PATZ1: variants seen among roughly 807,000 people sequenced by gnomAD.
PATZ1 encodes POZ/BTB and AT hook containing zinc finger 1.
In PATZ1, 9 loss-of-function variants were observed where a neutral mutation model predicts 46.2. The ratio of observed to expected loss-of-function variants is 0.19; its 90% CI spans 0.12 to 0.34. The LOEUF is 0.34. Ranked by LOEUF, PATZ1 falls within the 10% of genes least tolerant of loss-of-function variation. The probability of loss-of-function intolerance (pLI) is 1.00; values close to 1 mark genes in which losing one functional copy is unlikely to be tolerated. For missense variants in PATZ1, 632 were observed against 923.0 expected (o/e 0.68, Z 4.08); for synonymous variants, 426 against 378.6 (o/e 1.13, Z -1.45).
chr22:31,327,059 G>A lies in PATZ1; in HGVS notation c.1896C>T (p.Leu632=), dbSNP rs551643471. The A allele has an allele frequency of 2.9e-4, 476 of 1,614,226 alleles. 11 individuals are homozygous for A. In the South Asian group the frequency reaches 4.5e-3, roughly 15 times the overall value. The change falls in exon 5 of 5, where the codon CTC becomes CTT. Residue 632 remains leucine (L), a synonymous_variant. Transcript: ENST00000266269. This position sits in a 1 kb window ranked among gnomAD's most constrained non-coding sequence, Gnocchi z 4.2. ...GGCCCAGGTCCCCCAGGGGGCCCCC[G>A]AGAGCCCGGACATGCACCTTCTGGA... ...KHIQKVHVRA[L]GGPLGDLGPA...
chr22:31,343,271 G>T (rs182661878), intron 1 of PATZ1: 43 of 1,109,170 alleles, frequency 3.9e-5, no homozygotes, highest in Middle Eastern at 8.1e-4. Flanking sequence ...GCAGTAGAAT[G>T]AAACAGAGCT....
intron 2 of PATZ1, chr22:31,341,132 G>A (rs1239914150): frequency 8.5e-7 from 1 of 1,170,738 alleles, no homozygotes; most frequent in Non-Finnish European, 1.1e-6. Context: ...AATCACCTAG[G>A]CAAGGACAGA....
At position 31,341,655 on chromosome 22, in the gene PATZ1, G is replaced by A. The variant is rs765835799; in HGVS notation, c.1335+1242C>T. 1.9e-5 allele frequency: 30 copies of A among 1,612,988 alleles called. No homozygotes were observed. In the East Asian group the frequency reaches 2.9e-4, roughly 16 times the overall value. On this transcript the variant is annotated intron_variant, in intron 2 of 4. Transcript: ENST00000266269. ...GTCGCTAGGAAGAGGTTCCAGGGGC[G>A]GCAGGCCGCTGCTGCTCCCAACCCA...
chr22:31,337,469 T>C (rs2049525846), intron 2 of PATZ1, among the ~76,000 whole-genome samples: 1 of 152,186 alleles, frequency 6.6e-6, no homozygotes, highest in Middle Eastern at 3.2e-3. Flanking sequence ...GTACCAGTGA[T>C]CAGTCTCCTC....
intron 2 of PATZ1, among the ~76,000 whole-genome samples, chr22:31,341,951 C>T (rs1272219175): frequency 6.6e-6 from 1 of 152,306 alleles, no homozygotes; most frequent in South Asian, 2.1e-4. Flanking sequence ...GGGGCTCTGC[C>T]CTACTTACGG....
chr22:31,343,292 A>G (rs2049606393), intron 1 of PATZ1: 5 of 1,064,402 alleles, frequency 4.7e-6, no homozygotes, highest in Non-Finnish European at 5.7e-6. Context: ...GCCTCACTGC[A>G]GCCTTTCCAG....
chr22:31,331,059 G>C (rs1280419904), intron 3 of PATZ1, among the ~76,000 whole-genome samples: 1 of 152,228 alleles, frequency 6.6e-6, no homozygotes, highest in Non-Finnish European at 1.5e-5. Context: ...CTGCCTGGTA[G>C]AGCAAGTTGT....
intron 3 of PATZ1, among the ~76,000 whole-genome samples, chr22:31,333,378 G>C (rs1221503043): frequency 1.3e-5 from 2 of 152,072 alleles, no homozygotes; most frequent in Admixed American, 6.6e-5. Flanking sequence ...GTAGGTACAG[G>C]CTTGGTGGCA....
At chr22:31,334,593 T>C (rs1447836591) in intron 3 of PATZ1, among the ~76,000 whole-genome samples, 1 of 152,184 alleles carries the variant, frequency 6.6e-6, no homozygotes, top group Non-Finnish European at 1.5e-5. Flanking sequence ...TGTTACAAAG[T>C]GCAAGGATAG....
At position 31,345,544 on chromosome 22, in the gene PATZ1, C is replaced by T. The variant is rs759499623; in HGVS notation, c.59G>A (p.Ser20Asn). The T allele has an allele frequency of 2.7e-5, 44 of 1,612,838 alleles. No individual in the cohort carries two copies. In the Admixed American group the frequency reaches 6.7e-4, roughly 24 times the overall value. ...GTGCAGCATCTCCGTGCTGTGTCTG[C>T]TCACCTGGTATGTGTAGCAGCCAGA... Reference protein sequence around the residue: ...GPSGCYTYQVSRHSTEMLHNL... With the variant: ...GPSGCYTYQVNRHSTEMLHNL... Residue 20 changes from serine (S) to asparagine (N), a missense_variant, in exon 1 of 5, where the codon AGC becomes AAC. By Grantham distance (46) the Ser-to-Asn change is conservative. This residue lies in a region of PATZ1 where 30 missense variants were observed against 27.7 expected (regional missense o/e 1.08). Transcript: ENST00000266269. The surrounding 1 kb of genome is among the most constrained non-coding windows in gnomAD (Gnocchi z 7.4).
At chr22:31,341,170 G>C in intron 2 of PATZ1, 1 of 1,227,014 alleles carries the variant, frequency 8.1e-7, no homozygotes, top group South Asian at 3.7e-5. Context: ...TGTGAAAGGG[G>C]GGAAAAGGCA....
In PATZ1 at chr22:31,342,937, A is replaced by G; in HGVS notation, c.1295T>C (p.Ile432Thr). The G allele has an allele frequency of 1.2e-6, 2 of 1,614,054 alleles. No homozygotes were observed. Among genetic ancestry groups the G allele is most frequent in the Non-Finnish European group, 1.7e-6 (2 of 1,179,942 alleles). Residue 432 changes from isoleucine (I) to threonine (T), a missense_variant, in exon 2 of 5, where the codon ATC becomes ACC. Physicochemically the swap from Ile to Thr is moderately conservative, Grantham distance 89 (BLOSUM62 -1). Around this residue, in one of 7 missense-constraint regions of PATZ1, gnomAD observed 55 missense variants for 169.0 expected, o/e 0.33. Transcript: ENST00000266269. ...CCGCTCAGAAGTGTGCACCTGCTTGATATGTCCGTTCAAGTGATCAGGCCT... is the reference window on the plus strand; with the variant it reads ...CCGCTCAGAAGTGTGCACCTGCTTGGTATGTCCGTTCAAGTGATCAGGCCT... ...FSRPDHLNGH[I>T]KQVHTSERPH...
chr22:31,342,539 C>T (rs2049595278), intron 2 of PATZ1, among the ~76,000 whole-genome samples: 2 of 152,104 alleles, frequency 1.3e-5, no homozygotes, highest in Non-Finnish European at 2.9e-5. Flanking sequence ...TGCTGGAAAC[C>T]AACAGTCAGG....
rs377759106 is a variant in PATZ1 at position 31,345,432 on chromosome 22, G to C, written c.171C>G (p.Ala57=). ...AGTACTCGCTGCAGGCGGCCAGCAC[G>C]GCGCGGTGCGCTGGGAAGCTCTCGT... The part of the protein sequence containing the change: ...VGDESFPAHR[A]VLAACSEYFE... Residue 57 remains alanine (A), a synonymous_variant, in exon 1 of 5, where the codon GCC becomes GCG. Transcript: ENST00000266269. The surrounding 1 kb of genome is among the most constrained non-coding windows in gnomAD (Gnocchi z 7.4). 4.3e-6 allele frequency: 7 copies of C among 1,612,546 alleles called. No homozygotes were observed. The Admixed American group carries it at 1.2e-4, about 27-fold the overall frequency.
intron 2 of PATZ1, 81 bp downstream of exon 2, chr22:31,342,816 A>C: frequency 6.7e-7 from 1 of 1,502,332 alleles, no homozygotes; most frequent in South Asian, 1.2e-5. Flanking sequence ...CCCCCGGCAC[A>C]CGCAGCGGCT....
rs2049394703 is a variant in PATZ1, at chr22:31,328,475, CTCT to C, written c.1645+309_1645+311del. Reference sequence around the variant, plus strand: ...GCCCATAGTGACTCATCATGCAGGGCTCTTCTTCTGCCCAGGGCCCGGGGCATC... The same window carrying C: ...GCCCATAGTGACTCATCATGCAGGGCTCTTCTGCCCAGGGCCCGGGGCATC... On this transcript the variant is annotated intron_variant, in intron 4 of 4. Coordinates refer to ENST00000266269, the MANE Select transcript of PATZ1 (RefSeq NM_014323.3). This position sits in a 1 kb window ranked among gnomAD's most constrained non-coding sequence, Gnocchi z 4.8. Among the ~76,000 whole-genome samples, 3 of 152,342 alleles carry C rather than the reference CTCT, an allele frequency of 2.0e-5. No individual in the cohort carries two copies. Among genetic ancestry groups the C allele is most frequent in the South Asian group, 4.1e-4 (2 of 4,828 alleles).
rs1207232493 is a variant in PATZ1, at chr22:31,328,015, C to T, written c.1646-706G>A. Reference sequence around the variant, plus strand: ...ACAACCCTGGCTGCTCTGCCTTGCCCGGCCCACACTGGAGTCCTCCACCAA... The same window carrying T: ...ACAACCCTGGCTGCTCTGCCTTGCCTGGCCCACACTGGAGTCCTCCACCAA... On this transcript the variant is annotated intron_variant, in intron 4 of 4. Coordinates refer to ENST00000266269, the MANE Select transcript of PATZ1 (RefSeq NM_014323.3). The surrounding 1 kb of genome is among the most constrained non-coding windows in gnomAD (Gnocchi z 4.8). Among the ~76,000 whole-genome samples, 3 of 152,198 alleles carry T rather than the reference C, an allele frequency of 2.0e-5. No individual in the cohort carries two copies. The highest frequency in any genetic ancestry group is 2.9e-5 in the Non-Finnish European group (2 of 68,038).
chr22:31,332,895 TAAAGG>T (rs1337342969), intron 3 of PATZ1, among the ~76,000 whole-genome samples: 2 of 152,252 alleles, frequency 1.3e-5, no homozygotes, highest in Non-Finnish European at 2.9e-5. Context: ...ACAGAAACTT[TAAAGG>T]AAGAAAATCA....
At chr22:31,341,712 C>T (rs2049585277) in intron 2 of PATZ1, 4 of 1,567,998 alleles carry the variant, frequency 2.6e-6, no homozygotes, top group Admixed American at 1.8e-5. Flanking sequence ...GTGCAGGTTA[C>T]CCCCCCAGGC....
Sources: allele counts gnomAD v4.1 joint callset (sites outside exome capture counted in the v4.1 genomes callset), GRCh38; gene constraint gnomAD v4.1.1; regional missense constraint gnomAD v4.1.1; non-coding constraint Gnocchi (gnomAD v3.1); transcripts MANE v1.5; gene names NCBI Gene and HGNC (gene_info 2026-07-23, HGNC 2026-07-21).